COL9A2: variants seen among roughly 807,000 people sequenced by gnomAD.
The protein encoded by COL9A2 is collagen type IX alpha 2 chain.
In COL9A2, 66 loss-of-function variants were observed where a neutral mutation model predicts 111.6. That is an observed-to-expected ratio of 0.59 (90% CI 0.48 to 0.73). The LOEUF is 0.73. Among genes scored for constraint, COL9A2 ranks in the 30% least tolerant of loss-of-function variants. The pLI, the probability that COL9A2 is intolerant of heterozygous loss-of-function variation, is 0.00. For synonymous variants in COL9A2, 353 were observed against 364.1 expected (o/e 0.97, Z 0.35); for missense variants, 881 against 954.1 (o/e 0.92, Z 1.01).
Position 40,312,524 on chromosome 1 carries a change from G to T in COL9A2, c.340-45C>A, listed in dbSNP as rs758931605. On this transcript the variant is annotated intron_variant, in intron 6 of 31. Transcript: ENST00000372748. The surrounding 1 kb of genome is among the most constrained non-coding windows in gnomAD (Gnocchi z 6.0). ...AATTGGCTTCATGGCTCCCTCTGCA[G>T]GTCCCCTCTCCCCCAAGAGTCCCTC... 15 of 1,613,938 alleles carry T rather than the reference G, an allele frequency of 9.3e-6. No individual in the cohort carries two copies. Among genetic ancestry groups the T allele is most frequent in the Non-Finnish European group, 1.2e-5 (14 of 1,179,952 alleles).
Position 40,312,307 on chromosome 1 carries a change from T to G in COL9A2, c.363+149A>C. On this transcript the variant is annotated intron_variant, in intron 7 of 31. Transcript: ENST00000372748. This position sits in a 1 kb window ranked among gnomAD's most constrained non-coding sequence, Gnocchi z 6.0. ...GCCAGTGGACAGGCCCAGAGTGGGC[T>G]GGCCCTGGGTCTCTGGCAGGTCCAC... 8.4e-7 allele frequency: 1 copy of G among 1,193,436 alleles called. No individual in the cohort carries two copies. The highest frequency in any genetic ancestry group is 2.0e-4 in the Middle Eastern group (1 of 4,954). The allele number at this position is 1,193,436 out of a possible 1,614,324, so 73.9% of individuals were successfully genotyped here. A position where few individuals can be genotyped will look rare whatever the true frequency, so the allele number is the denominator to read the frequency against.
rs1644183758 is a variant in COL9A2, at chr1:40,314,448, C to A, written c.151-61G>T. 3 of 1,607,114 alleles carry A rather than the reference C, an allele frequency of 1.9e-6. No individual in the cohort carries two copies. The East Asian group carries it at 6.7e-5, about 36-fold the overall frequency. On this transcript the variant is annotated intron_variant, in intron 2 of 31. Coordinates refer to ENST00000372748, the MANE Select transcript of COL9A2 (RefSeq NM_001852.4). This position sits in a 1 kb window ranked among gnomAD's most constrained non-coding sequence, Gnocchi z 4.1. ...GCTCACACTACCCCAAGTGGGCACA[C>A]ACAGGCCCTGGCAGGCCGCTCCCAA...
At chr1:40,308,155 G>A in intron 17 of COL9A2, 37 bp downstream of exon 17, 2 of 1,602,824 alleles carry the variant, frequency 1.2e-6, no homozygotes, top group Non-Finnish European at 1.7e-6. Context: ...CTGGGCCCTG[G>A]CCTCTGTCCT....
chr1:40,301,699 CA>C (rs1479656636), intron 31 of COL9A2, 112 bp downstream of exon 31: 2 of 1,042,990 alleles, frequency 1.9e-6, no homozygotes, highest in Non-Finnish European at 2.8e-6. Flanking sequence ...AGCTGGGTAT[CA>C]AGGACTGAGC....
rs868284558 is a variant in COL9A2, at chr1:40,310,725, G to C, written c.673C>G (p.Pro225Ala). ...AAGGTGTTCCTTACCGGTGGTCCAG[G>C]GATGCCTTGCTCTCCAGAGGCACCC... is the stretch of plus-strand genomic sequence containing the variant. ...DVGASGEQGI[P>A]GPPGPQGIRG... Residue 225 changes from proline to alanine, a missense_variant, in exon 13 of 32, where the codon CCT (proline) becomes GCT (alanine). Coordinates refer to ENST00000372748, the MANE Select transcript of COL9A2 (RefSeq NM_001852.4). The surrounding 1 kb of genome is among the most constrained non-coding windows in gnomAD (Gnocchi z 4.9). 1 of 1,566,900 alleles carries C rather than the reference G, an allele frequency of 6.4e-7. No individual in the cohort carries two copies. Among genetic ancestry groups the C allele is most frequent in the Non-Finnish European group, 8.7e-7 (1 of 1,155,162 alleles).
chr1:40,310,790 C>CA lies in COL9A2; in HGVS notation c.631-24dup, dbSNP rs2124086505. ...ACCCTAAAGGGCAGGGATGAGCTGT[C>CA]AGACAGGCAGGCAGATGGAAAGACA... On this transcript the variant is annotated intron_variant, in intron 12 of 31. Coordinates refer to ENST00000372748, the MANE Select transcript of COL9A2 (RefSeq NM_001852.4). This position sits in a 1 kb window ranked among gnomAD's most constrained non-coding sequence, Gnocchi z 4.9. 1 of 1,552,310 alleles carries CA rather than the reference C, an allele frequency of 6.4e-7. No homozygotes were observed. The highest frequency in any genetic ancestry group is 2.4e-5 in the East Asian group (1 of 41,192).
chr1:40,305,732 C>G lies in COL9A2; in HGVS notation c.1090G>C (p.Gly364Arg). The G allele has an allele frequency of 1.2e-6, 2 of 1,614,086 alleles. No individual in the cohort carries two copies. The highest frequency in any genetic ancestry group is 2.2e-5 in the South Asian group (2 of 91,086). ...PGPQGLPGFSGPPGKEGEPGP... is the reference protein window; with the variant it reads ...PGPQGLPGFSRPPGKEGEPGP... ...GCATTTACCTCTTTCCCAGGGGGAC[C>G]AGAGAATCCAGGAAGGCCCTGCGGG... The change falls in exon 21 of 32, where the codon GGT becomes CGT. Residue 364 changes from glycine to arginine, a missense_variant. Transcript: ENST00000372748.
rs375831183 is a variant in COL9A2 at position 40,314,402 on chromosome 1, T to C, written c.151-15A>G. On this transcript the variant is annotated splice_polypyrimidine_tract_variant and intron_variant, in intron 2 of 31. Transcript: ENST00000372748. The surrounding 1 kb of genome is among the most constrained non-coding windows in gnomAD (Gnocchi z 4.1). ...CCATTGTCACCCTGCAAGATACAAG[T>C]TGGTGAGACAGCACACTACGGCTCA... 3.1e-5 allele frequency: 50 copies of C among 1,614,012 alleles called. No individual in the cohort carries two copies. In the African/African-American group the frequency reaches 3.3e-4, roughly 11 times the overall value.
At position 40,311,249 on chromosome 1, in the gene COL9A2, G is replaced by A. The variant is rs1377296737; in HGVS notation, c.557C>T (p.Pro186Leu). The change falls in exon 11 of 32, where the codon CCA (proline) becomes CTA (leucine). Residue 186 changes from proline to leucine, a missense_variant. Pro to Leu is a moderately conservative substitution (Grantham distance 98). Transcript: ENST00000372748. This position sits in a 1 kb window ranked among gnomAD's most constrained non-coding sequence, Gnocchi z 5.1. The part of the protein sequence containing the change: ...TNCPPGMKGP[P>L]GLQGVKGHAG... ...TCTCACCTTCACTCCCTGCAGCCCTGGGGGACCTTTCATTCCGGGTGGACA... is the reference window on the plus strand; with the variant it reads ...TCTCACCTTCACTCCCTGCAGCCCTAGGGGACCTTTCATTCCGGGTGGACA... The A allele has an allele frequency of 1.2e-6, 2 of 1,614,122 alleles. No individual in the cohort carries two copies. Among genetic ancestry groups the A allele is most frequent in the Non-Finnish European group, 1.7e-6 (2 of 1,179,990 alleles).
chr1:40,312,628 AG>A lies in COL9A2; in HGVS notation c.304-20del. 6.2e-7 allele frequency: 1 copy of A among 1,613,494 alleles called. No individual in the cohort carries two copies. Among genetic ancestry groups the A allele is most frequent in the Non-Finnish European group, 8.5e-7 (1 of 1,179,752 alleles). On this transcript the variant is annotated intron_variant, in intron 5 of 31. Transcript: ENST00000372748. This position sits in a 1 kb window ranked among gnomAD's most constrained non-coding sequence, Gnocchi z 6.0. ...GCTGGCCCTGCAGAAGCAACGAGAA[AG>A]GCTCAGAGGCTGGGGTTTCCCCGGC...
Position 40,301,856 on chromosome 1 carries a change from A to C in COL9A2, c.1826T>G (p.Val609Gly), listed in dbSNP as rs756345160. ...KRGEKGDPGE[V>G]GRGHPGMPGP... ...AGGCATCCCGGGGTGCCCCCGTCCC[A>C]CTTCTCCTGGATCACCCTTCTCTCC... is the stretch of plus-strand genomic sequence containing the variant. The change falls in exon 31 of 32, where the codon GTG becomes GGG. Residue 609 changes from valine to glycine, a missense_variant. Val to Gly is a moderately radical substitution (Grantham distance 109, BLOSUM62 -3). Transcript: ENST00000372748. 1 of 1,614,080 alleles carries C rather than the reference A, an allele frequency of 6.2e-7. No individual in the cohort carries two copies. The highest frequency in any genetic ancestry group is 2.2e-5 in the East Asian group (1 of 44,882).
At chr1:40,309,534 A>G (rs1569737945) in intron 16 of COL9A2, among the ~76,000 whole-genome samples, 1 of 151,772 alleles carries the variant, frequency 6.6e-6, no homozygotes, top group Admixed American at 6.6e-5. Flanking sequence ...CCCAGTGACC[A>G]TGGGACTGGA....
chr1:40,303,006 C>A lies in COL9A2; in HGVS notation c.1603+125G>T. On this transcript the variant is annotated intron_variant, in intron 29 of 31. Coordinates refer to ENST00000372748, the MANE Select transcript of COL9A2 (RefSeq NM_001852.4). The surrounding 1 kb of genome is among the most constrained non-coding windows in gnomAD (Gnocchi z 4.6). ...TCAAGGTCCCAAAACCCTTCAGAGA[C>A]TGGACTGGAAGGAGCCCCCAGGACT... 8.7e-7 allele frequency: 1 copy of A among 1,155,388 alleles called. No homozygotes were observed. 71.6% of individuals were successfully genotyped at this position (1,155,388 alleles called of 1,614,324 possible). A position where few individuals can be genotyped will look rare whatever the true frequency, so the allele number is the denominator to read the frequency against.
In COL9A2 at chr1:40,304,071, C is replaced by T; in HGVS notation, c.1316G>A (p.Gly439Asp). 1 of 1,575,926 alleles carries T rather than the reference C, an allele frequency of 6.3e-7. No individual in the cohort carries two copies. ...AGGGGTGCTGGAACTCACCACTTTG[C>T]CGCGGGGCCCGGTCTTCCCTGGGGA... ...KGSPGKTGPRGKVGDPGVAGL... is the reference protein window; with the variant it reads ...KGSPGKTGPRDKVGDPGVAGL... The change falls in exon 25 of 32, where the codon GGC (glycine) becomes GAC (aspartate). Residue 439 changes from glycine to aspartate, a missense_variant. Transcript: ENST00000372748.
chr1:40,305,203 G>A (rs141578738), intron 21 of COL9A2, among the ~76,000 whole-genome samples: 5,460 of 151,696 alleles, frequency 0.036, 327 homozygotes, highest in African/African-American at 0.12. Context: ...GAGTAGCTGG[G>A]ACTACAGGTG....
At position 40,304,518 on chromosome 1, in the gene COL9A2, G is replaced by C. The variant is rs200428596; in HGVS notation, c.1173C>G (p.Gly391=). Residue 391 remains glycine (G), a synonymous_variant, in exon 23 of 32, where the codon GGC becomes GGG. Coordinates refer to ENST00000372748, the MANE Select transcript of COL9A2 (RefSeq NM_001852.4). ...CTGGTTGCCCCACTGGACCCCTCTCGCCTTGGTCACCCTGAAATGGAAAGA... is the reference window on the plus strand; with the variant it reads ...CTGGTTGCCCCACTGGACCCCTCTCCCCTTGGTCACCCTGAAATGGAAAGA... The part of the protein sequence containing the change: ...QGIMGQKGDQ[G]ERGPVGQPGP... 6.2e-7 allele frequency: 1 copy of C among 1,613,992 alleles called. No homozygotes were observed. The highest frequency in any genetic ancestry group is 8.5e-7 in the Non-Finnish European group (1 of 1,180,024).
At position 40,317,003 on chromosome 1, in the gene COL9A2, C is replaced by T. The variant is rs1384813970; in HGVS notation, c.75+120G>A. ...CGAGGGGACCTGCCCGCGGCGCTGTCCTCAGGTGGCCTCTCGGGCTAGGGG... is the reference window on the plus strand; with the variant it reads ...CGAGGGGACCTGCCCGCGGCGCTGTTCTCAGGTGGCCTCTCGGGCTAGGGG... On this transcript the variant is annotated intron_variant, in intron 1 of 31. Coordinates refer to ENST00000372748, the MANE Select transcript of COL9A2 (RefSeq NM_001852.4). The surrounding 1 kb of genome is among the most constrained non-coding windows in gnomAD (Gnocchi z 4.3). 9.0e-6 allele frequency: 9 copies of T among 997,676 alleles called. No individual in the cohort carries two copies. The highest frequency in any genetic ancestry group is 2.0e-5 in the Admixed American group (1 of 50,222). The allele number at this position is 997,676 out of a possible 1,614,324, so 61.8% of individuals were successfully genotyped here.
In COL9A2 at chr1:40,312,462, T is replaced by C. The variant is rs1439143527; in HGVS notation, c.357A>G (p.Gly119=). The change falls in exon 7 of 32, where the codon GGA becomes GGG. Residue 119 remains glycine (G), a synonymous_variant. Transcript: ENST00000372748. This position sits in a 1 kb window ranked among gnomAD's most constrained non-coding sequence, Gnocchi z 6.0. The part of the protein sequence containing the change: ...PPGLPGPGFA[G]PPGPPGPVGL... ...CCCATCCCTGAGGACTTACAGGAGG[T>C]CCAGCAAAACCAGGGCCCTGGAACA... 1 of 1,613,110 alleles carries C rather than the reference T, an allele frequency of 6.2e-7. No homozygotes were observed. The highest frequency in any genetic ancestry group is 1.7e-5 in the Admixed American group (1 of 59,910).
At chr1:40,304,613 G>T in intron 22 of COL9A2, 84 bp from the exon 23 acceptor site, 1 of 1,527,992 alleles carries the variant, frequency 6.5e-7, no homozygotes, top group Admixed American at 1.8e-5. Context: ...CGCATGGTCA[G>T]GGTGCCCTCC....
Sources: gnomAD v4.1 joint callset for allele counts (sites outside exome capture counted in the v4.1 genomes callset) on GRCh38, gnomAD v4.1.1 for gene constraint, Gnocchi (gnomAD v3.1) non-coding constraint, MANE v1.5 for transcripts, NCBI Gene and HGNC (gene_info 2026-07-23, HGNC 2026-07-21) for gene names.